LRP1B: variants seen among roughly 807,000 people sequenced by gnomAD.
The protein encoded by LRP1B is LDL receptor related protein 1B.
Under a neutral mutation model 556.6 loss-of-function variants are expected in LRP1B, and 217 were observed. That is an observed-to-expected ratio of 0.39 (90% CI 0.35 to 0.44). The LOEUF (loss-of-function observed/expected upper bound fraction) is 0.44. Among genes scored for constraint, LRP1B ranks in the 20% least tolerant of loss-of-function variants. LRP1B has a pLI of 1.00. For synonymous variants in LRP1B, 2,047 were observed against 1,865.8 expected, an observed-to-expected ratio of 1.10 and a Z score of -2.50; for missense variants, 5,053 against 5,620.8, an observed-to-expected ratio of 0.90 and a Z score of 3.23.
At chr2:141,629,161 G>A (rs1402807729) in intron 2 of LRP1B, among the ~76,000 whole-genome samples, 2 of 152,034 alleles carry the variant, frequency 1.3e-5, no homozygotes, top group African/African-American at 2.4e-5. Flanking sequence ...GGAAAAGCAA[G>A]GTTTACAGTT....
At chr2:141,759,794 T>C (rs1360327002) in intron 2 of LRP1B, among the ~76,000 whole-genome samples, 1 of 152,160 alleles carries the variant, frequency 6.6e-6, no homozygotes, top group Non-Finnish European at 1.5e-5. Flanking sequence ...GGGGGAGACA[T>C]TGTCTGAGAA....
intron 3 of LRP1B, among the ~76,000 whole-genome samples, chr2:141,331,778 A>T (rs1687667061): frequency 6.6e-6 from 1 of 152,078 alleles, no homozygotes; most frequent in African/African-American, 2.4e-5. Flanking sequence ...ATATAAATAA[A>T]TCTGAGCAAA....
intron 32 of LRP1B, among the ~76,000 whole-genome samples, chr2:140,793,476 CACT>C (rs1219543916): frequency 2.0e-5 from 3 of 151,868 alleles, no homozygotes; most frequent in Non-Finnish European, 4.4e-5. Context: ...ATTTTGCTGT[CACT>C]ACTACCCAAC....
rs1195329911 is a variant in LRP1B at position 140,989,636 on chromosome 2, T to A, written c.2666A>T (p.Asp889Val). ...VNCFNHSCPDDQFKCQNNRCI... is the reference protein window; with the variant it reads ...VNCFNHSCPDVQFKCQNNRCI... ...GCGATTATTCTGGCATTTAAACTGA[T>A]CATCAGGACAGCTATGATTGACTGG... is the stretch of plus-strand genomic sequence containing the variant. The change falls in exon 17 of 91, where the codon GAT becomes GTT. Residue 889 changes from aspartate to valine, a missense_variant. Asp to Val is a radical substitution (Grantham distance 152). Coordinates refer to ENST00000389484, the MANE Select transcript of LRP1B (RefSeq NM_018557.3). 2 of 1,612,968 alleles carry A rather than the reference T, an allele frequency of 1.2e-6. No individual in the cohort carries two copies. The highest frequency in any genetic ancestry group is 3.3e-5 in the Admixed American group (2 of 59,936).
chr2:142,080,334 T>A (rs1037918206), intron 1 of LRP1B, among the ~76,000 whole-genome samples: 1 of 152,168 alleles, frequency 6.6e-6, no homozygotes, highest in Non-Finnish European at 1.5e-5. Flanking sequence ...AAGTTCACAA[T>A]AAATGATCCA....
At chr2:140,455,954 C>G (rs1429319125) in intron 62 of LRP1B, among the ~76,000 whole-genome samples, 1 of 152,094 alleles carries the variant, frequency 6.6e-6, no homozygotes, top group Non-Finnish European at 1.5e-5. Context: ...CAAGTTAACT[C>G]CTGGGATATC....
At chr2:140,385,290 AT>A (rs1379624469) in intron 67 of LRP1B, among the ~76,000 whole-genome samples, 1 of 152,148 alleles carries the variant, frequency 6.6e-6, no homozygotes, top group Non-Finnish European at 1.5e-5. Context: ...CAATCAGGAG[AT>A]ACTGTCACAA....
chr2:141,195,865 G>A (rs1022327869), intron 6 of LRP1B, among the ~76,000 whole-genome samples: 3 of 152,150 alleles, frequency 2.0e-5, no homozygotes, highest in Middle Eastern at 3.4e-3. Context: ...CGGAAAAATG[G>A]CAGAGAGTGG....
intron 2 of LRP1B, among the ~76,000 whole-genome samples, chr2:141,729,897 G>T (rs183701055): frequency 1.3e-5 from 2 of 152,198 alleles, no homozygotes; most frequent in Non-Finnish European, 2.9e-5. Flanking sequence ...GCAAGAGTCT[G>T]ATAACCTGCA....
chr2:142,084,522 A>G (rs1705837255), intron 1 of LRP1B, among the ~76,000 whole-genome samples: 1 of 152,142 alleles, frequency 6.6e-6, no homozygotes, highest in African/African-American at 2.4e-5. Flanking sequence ...TCAAATTTTC[A>G]CACCCACCTC....
chr2:140,973,301 A>T (rs1696492034), intron 18 of LRP1B, among the ~76,000 whole-genome samples: 1 of 151,882 alleles, frequency 6.6e-6, no homozygotes, highest in African/African-American at 2.4e-5. Flanking sequence ...GATTTGGTTA[A>T]AGCTTCAAAA....
chr2:141,806,640 A>G (rs956057274), intron 2 of LRP1B, among the ~76,000 whole-genome samples: 2 of 152,022 alleles, frequency 1.3e-5, no homozygotes, highest in African/African-American at 4.8e-5. Context: ...AATACTAGAG[A>G]ATACCCTAGA....
intron 64 of LRP1B, 33 bp from the exon 65 acceptor site, chr2:140,444,482 T>C (rs759799915): frequency 2.5e-6 from 4 of 1,613,250 alleles, no homozygotes; most frequent in Non-Finnish European, 3.4e-6. Flanking sequence ...GAGAGAAAAT[T>C]TGTGTCTGAA....
At chr2:140,843,777 C>T (rs1022474738) in intron 29 of LRP1B, among the ~76,000 whole-genome samples, 4 of 152,056 alleles carry the variant, frequency 2.6e-5, no homozygotes, top group East Asian at 1.9e-4. Flanking sequence ...TCAATAGAAC[C>T]GTACCTGGTC....
At chr2:141,328,948 A>C (rs1021105042) in intron 3 of LRP1B, among the ~76,000 whole-genome samples, 1 of 152,196 alleles carries the variant, frequency 6.6e-6, no homozygotes, top group Non-Finnish European at 1.5e-5. Context: ...ATCTTCTTTA[A>C]ATGACTACCT....
chr2:141,032,391 C>T (rs1698397974), intron 11 of LRP1B, among the ~76,000 whole-genome samples: 1 of 151,996 alleles, frequency 6.6e-6, no homozygotes, highest in Admixed American at 6.6e-5. Context: ...ATCTTATGTA[C>T]CATTTAAATT....
intron 2 of LRP1B, among the ~76,000 whole-genome samples, chr2:141,512,282 G>A (rs1456890543): frequency 3.9e-5 from 6 of 152,138 alleles, no homozygotes; most frequent in Non-Finnish European, 1.5e-5. Flanking sequence ...TAATATGGAA[G>A]ATTGCTGATT....
intron 13 of LRP1B, among the ~76,000 whole-genome samples, chr2:141,014,262 C>A (rs897477002): frequency 6.6e-6 from 1 of 151,950 alleles, no homozygotes. Context: ...TTGGATCTGG[C>A]AGAAAAGATG....
chr2:141,164,792 G>A (rs1680180276), intron 7 of LRP1B, among the ~76,000 whole-genome samples: 1 of 152,012 alleles, frequency 6.6e-6, no homozygotes, highest in South Asian at 2.1e-4. Context: ...AAGATACAGA[G>A]TCATTCTAAG....
Sources: gnomAD v4.1 joint callset for allele counts (sites outside exome capture counted in the v4.1 genomes callset) on GRCh38, gnomAD v4.1.1 for gene constraint, MANE v1.5 for transcripts, NCBI Gene and HGNC (gene_info 2026-07-23, HGNC 2026-07-21) for gene names.